GBE1: variants seen among roughly 807,000 people sequenced by gnomAD.
GBE1 encodes 1,4-alpha-glucan branching enzyme 1.
In GBE1, 70 loss-of-function variants were observed where a neutral mutation model predicts 88.8. The observed-to-expected ratio is 0.79, with a 90% CI of 0.65 to 0.96. The LOEUF is 0.96. Ranked by LOEUF, GBE1 falls within the 40% of genes least tolerant of loss-of-function variation. The pLI, the probability that GBE1 is intolerant of heterozygous loss-of-function variation, is 0.00. For missense variants in GBE1, 872 were observed against 871.0 expected (o/e 1.00, Z -0.01); for synonymous variants, 284 against 300.1 (o/e 0.95, Z 0.56).
chr3:81,588,740 C>T (rs1298360147), intron 9 of GBE1, among the ~76,000 whole-genome samples: 1 of 152,140 alleles, frequency 6.6e-6, no homozygotes, highest in Non-Finnish European at 1.5e-5. Context: ...GTTCTGTTTT[C>T]TTACACATTG....
intron 1 of GBE1, among the ~76,000 whole-genome samples, chr3:81,711,962 A>G (rs1705874640): frequency 6.6e-6 from 1 of 152,192 alleles, no homozygotes; most frequent in African/African-American, 2.4e-5. Flanking sequence ...TTTACAAGAA[A>G]AAAACAACCC....
At chr3:81,577,683 G>A (rs1252765289) in intron 12 of GBE1, among the ~76,000 whole-genome samples, 11 of 152,106 alleles carry the variant, frequency 7.2e-5, no homozygotes, top group African/African-American at 1.9e-4. Flanking sequence ...AGGTAAGCCC[G>A]CTTGACAGCA....
intron 1 of GBE1, among the ~76,000 whole-genome samples, chr3:81,738,669 A>C (rs533584646): frequency 6.6e-6 from 1 of 152,260 alleles, no homozygotes; most frequent in African/African-American, 2.4e-5. Context: ...TCCTTGGGTC[A>C]TTTTATTTTC....
intron 7 of GBE1, among the ~76,000 whole-genome samples, chr3:81,611,909 T>A (rs1276881508): frequency 6.6e-6 from 1 of 152,056 alleles, no homozygotes; most frequent in Non-Finnish European, 1.5e-5. Context: ...TGACAAGTTT[T>A]TGAATTATGA....
chr3:81,718,019 A>C (rs1705965076), intron 1 of GBE1, among the ~76,000 whole-genome samples: 1 of 151,410 alleles, frequency 6.6e-6, no homozygotes, highest in Admixed American at 6.6e-5. Flanking sequence ...TTACTCTCTA[A>C]CCCAGGCTGG....
chr3:81,752,087 T>G (rs1706538083), intron 1 of GBE1, among the ~76,000 whole-genome samples: 3 of 152,216 alleles, frequency 2.0e-5, no homozygotes, highest in African/African-American at 7.2e-5. Context: ...AATTAATCAT[T>G]CAATGGATCT....
At chr3:81,523,554 C>G (rs1038659323) in intron 14 of GBE1, among the ~76,000 whole-genome samples, 1 of 151,562 alleles carries the variant, frequency 6.6e-6, no homozygotes, top group Non-Finnish European at 1.5e-5. Flanking sequence ...TGACTGCAGT[C>G]ACCCTGTTGT....
chr3:81,527,129 C>CT (rs1702953867), intron 14 of GBE1, among the ~76,000 whole-genome samples: 1 of 152,110 alleles, frequency 6.6e-6, no homozygotes, highest in East Asian at 1.9e-4. Context: ...AAAGGATTCC[C>CT]TATTTAATAA....
At chr3:81,584,094 A>G (rs1386048626) in intron 10 of GBE1, among the ~76,000 whole-genome samples, 1 of 152,144 alleles carries the variant, frequency 6.6e-6, no homozygotes, top group Non-Finnish European at 1.5e-5. Flanking sequence ...CATTACCTTA[A>G]CATAAACACT....
At position 81,685,796 on chromosome 3, in the gene GBE1, G is replaced by C. The variant is rs1705428996; in HGVS notation, c.314-14843C>G. ...TCAAATAGGATGAATTGATGCACTG[G>C]CTGAAAGAACATTAACAACAATGAA... On this transcript the variant is annotated intron_variant, in intron 2 of 15. Coordinates refer to ENST00000429644, the MANE Select transcript of GBE1 (RefSeq NM_000158.4). 2.6e-5 allele frequency among the ~76,000 whole-genome samples: 4 copies of C among 152,094 alleles called. No homozygotes were observed. The South Asian group carries it at 8.3e-4, about 31-fold the overall frequency.
chr3:81,518,097 C>G lies in GBE1; in HGVS notation c.1934+17098G>C, dbSNP rs73125173. 2.2e-3 allele frequency among the ~76,000 whole-genome samples: 329 copies of G among 151,434 alleles called. 2 individuals are homozygous for G. The highest frequency in any genetic ancestry group is 3.7e-3 in the Non-Finnish European group (251 of 67,556). On this transcript the variant is annotated intron_variant, in intron 14 of 15. Coordinates refer to ENST00000429644, the MANE Select transcript of GBE1 (RefSeq NM_000158.4). ...CCTTGGGCACAAATGTTCCTCCCCCCCAAACCCCAATGAAGGATACTATTA... is the reference window on the plus strand; with the variant it reads ...CCTTGGGCACAAATGTTCCTCCCCCGCAAACCCCAATGAAGGATACTATTA...
At chr3:81,672,313 A>C (rs1474491529) in intron 2 of GBE1, among the ~76,000 whole-genome samples, 1 of 151,976 alleles carries the variant, frequency 6.6e-6, no homozygotes, top group East Asian at 1.9e-4. Context: ...AGGCATTCAA[A>C]ATTATTCCCT....
At chr3:81,584,074 T>A (rs927350193) in intron 10 of GBE1, among the ~76,000 whole-genome samples, 1 of 152,084 alleles carries the variant, frequency 6.6e-6, no homozygotes, top group Non-Finnish European at 1.5e-5. Context: ...ATGAGTTCAT[T>A]AGACACATAC....
chr3:81,671,854 T>C (rs190149849), intron 2 of GBE1, among the ~76,000 whole-genome samples: 8 of 152,126 alleles, frequency 5.3e-5, no homozygotes, highest in African/African-American at 1.9e-4. Context: ...AATAGATGAA[T>C]CGATAGAATG....
intron 7 of GBE1, chr3:81,612,234 A>AAAAC (rs1240069940): frequency 9.9e-6 from 5 of 506,572 alleles, no homozygotes; most frequent in Non-Finnish European, 1.6e-5. Flanking sequence ...AAAAAAAAAA[A>AAAAC]AAAAAAAAAC....
chr3:81,679,706 G>A (rs1400845880), intron 2 of GBE1, among the ~76,000 whole-genome samples: 1 of 152,034 alleles, frequency 6.6e-6, no homozygotes, highest in Non-Finnish European at 1.5e-5. Flanking sequence ...CAATGCTATT[G>A]TTGCTTGTGA....
intron 14 of GBE1, among the ~76,000 whole-genome samples, chr3:81,505,548 G>C (rs1214774502): frequency 6.6e-6 from 1 of 152,148 alleles, no homozygotes; most frequent in Non-Finnish European, 1.5e-5. Context: ...AAATAGATCT[G>C]TCCATTTATT....
chr3:81,530,753 T>C (rs1401742879), intron 14 of GBE1, among the ~76,000 whole-genome samples: 2 of 151,990 alleles, frequency 1.3e-5, no homozygotes, highest in African/African-American at 4.8e-5. Context: ...CCACTGGGAC[T>C]GTGCTGGGTC....
At chr3:81,583,733 G>T (rs566217646) in intron 10 of GBE1, among the ~76,000 whole-genome samples, 1 of 152,104 alleles carries the variant, frequency 6.6e-6, no homozygotes, top group Non-Finnish European at 1.5e-5. Flanking sequence ...GGTTGCCAGC[G>T]GTTAAGGCAT....
Sources: gnomAD v4.1 joint callset for allele counts (sites outside exome capture counted in the v4.1 genomes callset) on GRCh38, gnomAD v4.1.1 for gene constraint, MANE v1.5 for transcripts, NCBI Gene and HGNC (gene_info 2026-07-23, HGNC 2026-07-21) for gene names.